LDB2: variants seen among roughly 807,000 people sequenced by gnomAD.
The protein encoded by LDB2 is LIM domain binding 2.
LDB2 carries 12 observed loss-of-function variants against 44.3 expected under a neutral mutation model. The observed-to-expected ratio is 0.27, with a 90% CI of 0.17 to 0.44. LDB2 has a LOEUF of 0.44. LDB2 is among the 20% of genes least tolerant of loss of function. LDB2 has a pLI of 1.00. For synonymous variants in LDB2, 164 were observed against 174.8 expected, an observed-to-expected ratio of 0.94 and a Z score of 0.49; for missense variants, 344 against 473.5, an observed-to-expected ratio of 0.73 and a Z score of 2.54.
intron 1 of LDB2, among the ~76,000 whole-genome samples, chr4:16,873,704 C>T (rs1481804871): frequency 1.3e-5 from 2 of 152,096 alleles, no homozygotes; most frequent in Non-Finnish European, 2.9e-5. Flanking sequence ...GAGAAAACAG[C>T]ATTGGTGGCA....
At chr4:16,635,947 T>G (rs1464003904) in intron 2 of LDB2, among the ~76,000 whole-genome samples, 5 of 152,222 alleles carry the variant, frequency 3.3e-5, no homozygotes, top group Non-Finnish European at 7.3e-5. Context: ...GTCTTCATTT[T>G]TAATGTCCTA....
At chr4:16,850,799 T>C (rs1337791970) in intron 1 of LDB2, among the ~76,000 whole-genome samples, 1 of 152,184 alleles carries the variant, frequency 6.6e-6, no homozygotes, top group Admixed American at 6.5e-5. Context: ...GAGTTTGGTT[T>C]GGGAGTTGAT....
chr4:16,656,662 G>A (rs1216849679), intron 2 of LDB2, among the ~76,000 whole-genome samples: 3 of 152,150 alleles, frequency 2.0e-5, no homozygotes, highest in Admixed American at 1.3e-4. Context: ...CATTTGCAGT[G>A]AGTGTGTTGA....
intron 5 of LDB2, among the ~76,000 whole-genome samples, chr4:16,560,909 C>T (rs1314225921): frequency 6.6e-6 from 1 of 152,054 alleles, no homozygotes; most frequent in East Asian, 1.9e-4. Context: ...AAGACTGGTT[C>T]AATATACACA....
At chr4:16,828,576 C>T (rs1340291251) in intron 1 of LDB2, among the ~76,000 whole-genome samples, 8 of 152,122 alleles carry the variant, frequency 5.3e-5, no homozygotes. Context: ...CAGCAGAATC[C>T]CCTGTAAGTT....
At chr4:16,564,710 C>A (rs928603389) in intron 5 of LDB2, among the ~76,000 whole-genome samples, 1 of 152,140 alleles carries the variant, frequency 6.6e-6, no homozygotes, top group African/African-American at 2.4e-5. Flanking sequence ...AAGGCAGCAT[C>A]TTCAAATAAA....
intron 2 of LDB2, among the ~76,000 whole-genome samples, chr4:16,694,395 C>G (rs757964703): frequency 1.3e-5 from 2 of 152,200 alleles, no homozygotes; most frequent in Non-Finnish European, 2.9e-5. Context: ...GAACATTGAC[C>G]GATCACAGCT....
At chr4:16,709,860 T>C (rs1043963764) in intron 2 of LDB2, among the ~76,000 whole-genome samples, 1 of 152,108 alleles carries the variant, frequency 6.6e-6, no homozygotes, top group Non-Finnish European at 1.5e-5. Context: ...GGGCATGAAC[T>C]CTCCAGTTCA....
intron 2 of LDB2, among the ~76,000 whole-genome samples, chr4:16,606,500 AT>A (rs567604362): frequency 1.3e-5 from 2 of 152,150 alleles, no homozygotes; most frequent in Non-Finnish European, 2.9e-5. Context: ...CAAGTTTTTA[AT>A]TTTTTGCCAT....
At chr4:16,742,940 C>G (rs767485362) in intron 2 of LDB2, among the ~76,000 whole-genome samples, 9 of 152,298 alleles carry the variant, frequency 5.9e-5, no homozygotes, top group Non-Finnish European at 1.2e-4. Context: ...CCAACCCCTA[C>G]AGCAGGAAAT....
rs550919583 is a variant in LDB2, at chr4:16,645,227, G to GCTGTA, written c.236-49357_236-49353dup. Among the ~76,000 whole-genome samples the GCTGTA allele has an allele frequency of 7.2e-5, 11 of 152,298 alleles. No individual in the cohort carries two copies. The East Asian group carries it at 1.9e-3, about 27-fold the overall frequency. ...GTGGCTGAGGTTTCCTTTTACAATAGCTGTAGTAATTTTAAAAAAGGATTG... is the reference window on the plus strand; with the variant it reads ...GTGGCTGAGGTTTCCTTTTACAATAGCTGTACTGTAGTAATTTTAAAAAAGGATTG... On this transcript the variant is annotated intron_variant, in intron 2 of 7. Transcript: ENST00000304523.
chr4:16,635,743 G>T (rs1445536327), intron 2 of LDB2, among the ~76,000 whole-genome samples: 1 of 151,946 alleles, frequency 6.6e-6, no homozygotes, highest in Non-Finnish European at 1.5e-5. Flanking sequence ...CTCTTTTTGT[G>T]CAGGTTTGCC....
intron 2 of LDB2, among the ~76,000 whole-genome samples, chr4:16,712,831 A>G (rs283035): frequency 0.45 from 68,634 of 152,034 alleles, 16,142 homozygotes; most frequent in East Asian, 0.78. Flanking sequence ...AAACTATCAT[A>G]TGATCCAATA....
chr4:16,503,035 T>C (rs530656581), intron 7 of LDB2, 162 bp from the exon 8 acceptor site: 1 of 1,550,808 alleles, frequency 6.4e-7, no homozygotes, highest in Admixed American at 1.9e-5. Context: ...ATTTGATTTC[T>C]ACAGGAAATA....
intron 7 of LDB2, chr4:16,506,801 A>G (rs1292771785): frequency 6.6e-6 from 1 of 152,228 alleles, no homozygotes; most frequent in Non-Finnish European, 1.5e-5. Flanking sequence ...GTGTGGGCAC[A>G]TAGTAGGAGC....
chr4:16,791,260 A>G (rs535007892), intron 1 of LDB2, among the ~76,000 whole-genome samples: 5 of 152,176 alleles, frequency 3.3e-5, no homozygotes, highest in Non-Finnish European at 7.3e-5. Context: ...CAACAACAAC[A>G]ACAACAACAA....
intron 1 of LDB2, among the ~76,000 whole-genome samples, chr4:16,803,140 G>T (rs147028223): frequency 6.6e-6 from 1 of 152,154 alleles, no homozygotes; most frequent in Non-Finnish European, 1.5e-5. Context: ...GCTTATTTGT[G>T]CATTGGGCGA....
chr4:16,612,597 A>T (rs1013131656), intron 2 of LDB2, among the ~76,000 whole-genome samples: 1 of 152,172 alleles, frequency 6.6e-6, no homozygotes, highest in Non-Finnish European at 1.5e-5. Context: ...TAAACAAATA[A>T]ACTAGAAGAA....
intron 2 of LDB2, among the ~76,000 whole-genome samples, chr4:16,646,605 A>G (rs1736855654): frequency 6.6e-6 from 1 of 152,162 alleles, no homozygotes; most frequent in South Asian, 2.1e-4. Context: ...TGCAGCTTGG[A>G]GTCAAGCCCT....
Sources: gnomAD v4.1 joint callset for allele counts (sites outside exome capture counted in the v4.1 genomes callset) on GRCh38, gnomAD v4.1.1 for gene constraint, MANE v1.5 for transcripts, NCBI Gene and HGNC (gene_info 2026-07-23, HGNC 2026-07-21) for gene names.